The following ACOXL variants were observed in gnomAD, a reference collection of about 807,000 sequenced individuals.
ACOXL encodes the protein acyl-coenzyme A oxidase-like protein.
Under a neutral mutation model 71.9 loss-of-function variants are expected in ACOXL, and 70 were observed. The observed-to-expected ratio is 0.97, with a 90% CI of 0.80 to 1.19. The LOEUF is 1.19. Ranked by LOEUF, ACOXL falls within the 50% of genes most tolerant of loss-of-function variation. The pLI, the probability that ACOXL is intolerant of heterozygous loss-of-function variation, is 0.00. For missense variants in ACOXL, 703 were observed against 736.3 expected, an observed-to-expected ratio of 0.95 and a Z score of 0.52; for synonymous variants, 253 against 281.6, an observed-to-expected ratio of 0.90 and a Z score of 1.02.
At chr2:110,784,707 G>A (rs760643331) in intron 2 of ACOXL, 25 bp from the exon 3 acceptor site, 2 of 1,564,286 alleles carry the variant, frequency 1.3e-6, no homozygotes, top group East Asian at 4.7e-5. Flanking sequence ...AGGAAACCTT[G>A]ATACTGAGTC....
chr2:110,788,108 C>T (rs1392720567), intron 3 of ACOXL, among the ~76,000 whole-genome samples: 1 of 152,126 alleles, frequency 6.6e-6, no homozygotes, highest in African/African-American at 2.4e-5. Context: ...ATAAAAATTA[C>T]CATACAGCCC....
At chr2:110,963,585 GTGTGTGTGTGTGTGTGTGTT>G in intron 12 of ACOXL, 1 of 1,201,612 alleles carries the variant, frequency 8.3e-7, no homozygotes, top group Middle Eastern at 2.2e-4. Context: ...GTGTGTGTGT[GTGTGTGTGTGTGTGTGTGTT>G]TTTCTCTTTC....
intron 10 of ACOXL, among the ~76,000 whole-genome samples, chr2:110,881,949 G>A (rs1696703296): frequency 6.6e-6 from 1 of 151,808 alleles, no homozygotes; most frequent in African/African-American, 2.4e-5. Flanking sequence ...TTGCATATAA[G>A]TCTTTTTTAG....
intron 10 of ACOXL, among the ~76,000 whole-genome samples, chr2:110,874,100 C>T (rs908886118): frequency 1.3e-5 from 2 of 152,194 alleles, no homozygotes; most frequent in Non-Finnish European, 2.9e-5. Context: ...GGCAGGTGGG[C>T]GCTGCTTGCC....
intron 12 of ACOXL, among the ~76,000 whole-genome samples, chr2:110,943,044 G>GAAGGAAGAAAGAA (rs2060935927): frequency 6.9e-6 from 1 of 145,408 alleles, no homozygotes; most frequent in African/African-American, 2.6e-5. Flanking sequence ...AGGAAAGAAG[G>GAAGGAAGAAAGAA]AAGGAAGAAA....
intron 11 of ACOXL, among the ~76,000 whole-genome samples, chr2:110,924,551 ACTTT>A (rs2060200998): frequency 6.6e-6 from 1 of 152,126 alleles, no homozygotes; most frequent in Admixed American, 6.6e-5. Context: ...TCAAGAAACC[ACTTT>A]CTTTGCTCCT....
intron 15 of ACOXL, among the ~76,000 whole-genome samples, chr2:111,037,078 C>T (rs922869468): frequency 6.6e-6 from 1 of 152,100 alleles, no homozygotes; most frequent in Non-Finnish European, 1.5e-5. Flanking sequence ...CACAGACTGC[C>T]CAACATGCTA....
chr2:110,741,910 G>T (rs1242279689), intron 1 of ACOXL, among the ~76,000 whole-genome samples: 2 of 152,214 alleles, frequency 1.3e-5, no homozygotes, highest in African/African-American at 4.8e-5. Context: ...TGCCTCCAGC[G>T]GTGAGAGAGG....
chr2:110,936,081 C>G (rs1386946681), intron 12 of ACOXL, among the ~76,000 whole-genome samples: 1 of 152,024 alleles, frequency 6.6e-6, no homozygotes, highest in Non-Finnish European at 1.5e-5. Context: ...TGGCCCGGTT[C>G]CTAATAGGCC....
chr2:110,801,504 A>G, intron 7 of ACOXL, 148 bp from the exon 8 acceptor site: 2 of 661,228 alleles, frequency 3.0e-6, no homozygotes, highest in Non-Finnish European at 5.3e-6. Context: ...AACAACAGAC[A>G]ACATCCCCAT....
intron 9 of ACOXL, among the ~76,000 whole-genome samples, chr2:110,830,992 A>G (rs1235725894): frequency 1.3e-5 from 2 of 152,236 alleles, no homozygotes; most frequent in African/African-American, 2.4e-5. Flanking sequence ...CCTCAACTTC[A>G]TAAAGAACAT....
chr2:111,092,749 A>G (rs915084002), intron 16 of ACOXL, 116 bp from the exon 17 acceptor site: 16 of 740,216 alleles, frequency 2.2e-5, no homozygotes, highest in Admixed American at 1.2e-4. Context: ...GAAAGTATTA[A>G]CTTTTACGAT....
chr2:110,948,148 G>A (rs556784064), intron 12 of ACOXL, among the ~76,000 whole-genome samples: 17 of 152,278 alleles, frequency 1.1e-4, no homozygotes, highest in Admixed American at 2.0e-4. Flanking sequence ...AAATTGGAGC[G>A]CAGTGAAGTC....
At chr2:111,060,252 G>C (rs1443556696) in intron 16 of ACOXL, among the ~76,000 whole-genome samples, 2 of 152,118 alleles carry the variant, frequency 1.3e-5, no homozygotes, top group African/African-American at 4.8e-5. Context: ...AGGTCAGTCT[G>C]CCCCCTCCCC....
At chr2:110,776,371 T>C (rs185626438) in intron 2 of ACOXL, among the ~76,000 whole-genome samples, 7 of 152,330 alleles carry the variant, frequency 4.6e-5, no homozygotes, top group African/African-American at 1.7e-4. Context: ...ACTGTGAATA[T>C]ACTTAGTGCC....
chr2:110,929,800 G>A (rs2060414059), intron 11 of ACOXL, among the ~76,000 whole-genome samples: 1 of 152,228 alleles, frequency 6.6e-6, no homozygotes, highest in East Asian at 1.9e-4. Flanking sequence ...TGGAGGCATG[G>A]CTTTACAGGA....
chr2:110,950,988 C>T (rs925574210), intron 12 of ACOXL, among the ~76,000 whole-genome samples: 1 of 152,112 alleles, frequency 6.6e-6, no homozygotes, highest in African/African-American at 2.4e-5. Context: ...GCATTTGTGA[C>T]TGTCCATTTG....
intron 10 of ACOXL, among the ~76,000 whole-genome samples, chr2:110,866,190 G>A (rs578010748): frequency 1.3e-5 from 2 of 152,304 alleles, no homozygotes; most frequent in African/African-American, 4.8e-5. Flanking sequence ...TGTCAGGAAG[G>A]GGCCATGGGG....
intron 12 of ACOXL, among the ~76,000 whole-genome samples, chr2:110,982,590 T>C (rs918800759): frequency 2.0e-5 from 3 of 152,204 alleles, no homozygotes; most frequent in Non-Finnish European, 2.9e-5. Context: ...ACCATCCCCT[T>C]AGTCTTTTCT....
Sources: allele counts gnomAD v4.1 joint callset (sites outside exome capture counted in the v4.1 genomes callset), GRCh38; gene constraint gnomAD v4.1.1; transcripts MANE v1.5; gene names NCBI Gene and HGNC (gene_info 2026-07-23, HGNC 2026-07-21).